The following PLSCR2 variants were observed in gnomAD, a reference collection of about 807,000 sequenced individuals.
PLSCR2 encodes phospholipid scramblase 2, also known as PL scramblase 2.
Under a neutral mutation model 25.3 loss-of-function variants are expected in PLSCR2, and 18 were observed. The observed-to-expected ratio is 0.71, with a 90% CI of 0.49 to 1.06. The LOEUF (loss-of-function observed/expected upper bound fraction) is 1.06, where lower values mean the gene tolerates loss of function less well. Ranked by LOEUF, PLSCR2 falls within the 50% of genes least tolerant of loss-of-function variation. PLSCR2 has a pLI of 0.00. For missense variants in PLSCR2, 243 were observed against 269.5 expected (o/e 0.90, Z 0.69); for synonymous variants, 88 against 87.3 (o/e 1.01, Z -0.04).
At chr3:146,465,634 A>G (rs2041829588) in intron 1 of PLSCR2, among the ~76,000 whole-genome samples, 1 of 152,082 alleles carries the variant, frequency 6.6e-6, no homozygotes. Context: ...CCAAGCAGAG[A>G]CATAGGTTCT....
At chr3:146,459,177 C>T (rs569817784) in intron 2 of PLSCR2, among the ~76,000 whole-genome samples, 66 of 151,838 alleles carry the variant, frequency 4.3e-4, no homozygotes, top group African/African-American at 1.2e-3. Flanking sequence ...TCCTTATTGG[C>T]GACATTTGTA....
intron 1 of PLSCR2, among the ~76,000 whole-genome samples, chr3:146,478,008 C>T (rs2042982055): frequency 6.6e-6 from 1 of 152,192 alleles, no homozygotes; most frequent in South Asian, 2.1e-4. Context: ...AGACCTGCAG[C>T]TGAGGGACCT....
intron 4 of PLSCR2, 35 bp downstream of exon 4, chr3:146,455,203 CT>C (rs769995135): frequency 7.3e-7 from 1 of 1,375,052 alleles, no homozygotes; most frequent in Admixed American, 1.7e-5. Context: ...CCTTGCTGAA[CT>C]ACTTTATGAA....
downstream of PLSCR2, among the ~76,000 whole-genome samples, chr3:146,432,191 TC>T (rs768908896): frequency 2.0e-5 from 3 of 152,216 alleles, no homozygotes; most frequent in East Asian, 3.8e-4. Flanking sequence ...CCAATTTTAT[TC>T]AGGAAGTAAT....
chr3:146,403,863 T>C (rs190427972), intron 2 of PLSCR2, among the ~76,000 whole-genome samples: 20 of 152,330 alleles, frequency 1.3e-4, no homozygotes, highest in African/African-American at 4.8e-4. Flanking sequence ...AGAATTAATA[T>C]GTCAGTACAA....
intron 3 of PLSCR2, among the ~76,000 whole-genome samples, chr3:146,456,758 C>T (rs2041245029): frequency 6.6e-6 from 1 of 151,088 alleles, no homozygotes; most frequent in African/African-American, 2.4e-5. Context: ...TTATATGCCT[C>T]GATGTTAGCA....
intron 2 of PLSCR2, among the ~76,000 whole-genome samples, chr3:146,458,752 T>C (rs1444276736): frequency 1.8e-4 from 28 of 152,044 alleles, no homozygotes; most frequent in Admixed American, 1.8e-3. Context: ...GGCTTAAACA[T>C]ATAAAGACAT....
chr3:146,442,573 T>C (rs978118611), intron 6 of PLSCR2, among the ~76,000 whole-genome samples: 12 of 151,910 alleles, frequency 7.9e-5, no homozygotes, highest in Admixed American at 3.9e-4. Context: ...TACAAAGATA[T>C]AGTAATCAAA....
exon 1 of PLSCR2, chr3:146,460,227 A>G: frequency 7.2e-7 from 1 of 1,385,304 alleles, no homozygotes; most frequent in Non-Finnish European, 9.3e-7. Context: ...TTATCTTCAG[A>G]TATGTTTTAA....
chr3:146,461,139 T>A (rs753161343), upstream of PLSCR2, among the ~76,000 whole-genome samples: 1 of 152,204 alleles, frequency 6.6e-6, no homozygotes, highest in South Asian at 2.1e-4. Context: ...CATAAGCTTA[T>A]TTGTATAGTC....
At chr3:146,442,601 T>C (rs1367110155) in intron 6 of PLSCR2, among the ~76,000 whole-genome samples, 1 of 151,958 alleles carries the variant, frequency 6.6e-6, no homozygotes, top group Non-Finnish European at 1.5e-5. Flanking sequence ...CGTACTTGCA[T>C]AGAAAGAGAC....
chr3:146,469,505 A>G (rs1339553354), intron 1 of PLSCR2: 1 of 985,042 alleles, frequency 1.0e-6, no homozygotes, highest in East Asian at 1.1e-4. Flanking sequence ...CCGTGGCTGC[A>G]GCTGCTCCCG....
chr3:146,438,891 A>G (rs2040054860), downstream of PLSCR2, among the ~76,000 whole-genome samples: 1 of 152,092 alleles, frequency 6.6e-6, no homozygotes, highest in African/African-American at 2.4e-5. Flanking sequence ...ATAATTTGGC[A>G]TGTTTTTGCA....
rs1559981758 is a variant in PLSCR2 at position 146,423,269 on chromosome 3, CTCTCTCTCTCTCT to C, written c.101-27361_101-27349del. ...TCTCTCTCTCTCTCTCTCTCTCTCT[CTCTCTCTCTCTCT>C]CCCTGGCTAGATTCTCACAAGAAAC... On this transcript the variant is annotated intron_variant and NMD_transcript_variant, in intron 2 of 3. Coordinates refer to the PLSCR2 transcript ENST00000463633. Among the ~76,000 whole-genome samples, 608 of 146,156 alleles carry C rather than the reference CTCTCTCTCTCTCT, an allele frequency of 4.2e-3. 11 individuals are homozygous for C. Among genetic ancestry groups the C allele is most frequent in the African/African-American group, 0.015 (575 of 39,146 alleles).
chr3:146,413,604 A>G (rs1044836035), intron 2 of PLSCR2, among the ~76,000 whole-genome samples: 1 of 152,222 alleles, frequency 6.6e-6, no homozygotes, highest in Non-Finnish European at 1.5e-5. Context: ...ACTGTGTAAT[A>G]AGAATGGCCT....
rs888306530 is a variant in PLSCR2, at chr3:146,446,029, G to A, written c.645+3177C>T. The stretch of plus-strand genomic sequence containing the variant: ...TTTCAATCTATCTGTTAAAGTTATC[G>A]GATAGGATTCTGAATTCCCCCTCTG... On this transcript the variant is annotated intron_variant, in intron 6 of 6. Transcript: ENST00000610787. 7.2e-5 allele frequency among the ~76,000 whole-genome samples: 11 copies of A among 152,002 alleles called. No homozygotes were observed. In the East Asian group the frequency reaches 1.2e-3, roughly 16 times the overall value.
intron 1 of PLSCR2, among the ~76,000 whole-genome samples, chr3:146,487,939 G>A (rs2043405305): frequency 6.6e-6 from 1 of 152,086 alleles, no homozygotes; most frequent in Non-Finnish European, 1.5e-5. Flanking sequence ...CAAGGCTATA[G>A]TAACCAAAAC....
At chr3:146,413,892 C>A (rs572207442) in intron 2 of PLSCR2, among the ~76,000 whole-genome samples, 1 of 152,278 alleles carries the variant, frequency 6.6e-6, no homozygotes, top group African/African-American at 2.4e-5. Flanking sequence ...TTTCATGTAT[C>A]AATTTTCTGT....
intron 8 of PLSCR2, among the ~76,000 whole-genome samples, chr3:146,435,429 A>G (rs561589885): frequency 6.6e-6 from 1 of 152,268 alleles, no homozygotes; most frequent in Admixed American, 6.5e-5. Flanking sequence ...CCTCTCCAGC[A>G]TCTGTTGTTT....
Sources: gnomAD v4.1 joint callset for allele counts (sites outside exome capture counted in the v4.1 genomes callset) on GRCh38, gnomAD v4.1.1 for gene constraint, MANE v1.5 for transcripts, NCBI Gene and HGNC (gene_info 2026-07-23, HGNC 2026-07-21) for gene names.